Variants in GPBP1L1 observed in about 807,000 individuals in gnomAD.
GPBP1L1 encodes the protein vasculin-like protein 1.
GPBP1L1 carries 23 observed loss-of-function variants against 52.5 expected under a neutral mutation model. That is an observed-to-expected ratio of 0.44 (90% CI 0.32 to 0.62). GPBP1L1 has a LOEUF of 0.62. Among genes scored for constraint, GPBP1L1 ranks in the 20% least tolerant of loss-of-function variants. The pLI, the probability that GPBP1L1 is intolerant of heterozygous loss-of-function variation, is 0.06. For synonymous variants in GPBP1L1, 243 were observed against 203.1 expected, an observed-to-expected ratio of 1.20 and a Z score of -1.67; for missense variants, 596 against 579.3, an observed-to-expected ratio of 1.03 and a Z score of -0.30.
intron 10 of GPBP1L1, among the ~76,000 whole-genome samples, chr1:45,632,778 A>C (rs1199015349): frequency 2.0e-5 from 3 of 152,216 alleles, no homozygotes; most frequent in Non-Finnish European, 4.4e-5. Flanking sequence ...CTGTAGTCAA[A>C]GACACATCTA....
chr1:45,657,307 G>A (rs545249963), intron 4 of GPBP1L1, among the ~76,000 whole-genome samples: 1 of 152,224 alleles, frequency 6.6e-6, no homozygotes, highest in South Asian at 2.1e-4. Flanking sequence ...ACTGAGGCAG[G>A]TACATCGCTT....
intron 1 of GPBP1L1, 43 bp from the exon 2 acceptor site, chr1:45,685,663 A>G (rs921560899): frequency 2.6e-5 from 4 of 152,360 alleles, no homozygotes; most frequent in Admixed American, 1.3e-4. Context: ...TAATGTCCCC[A>G]CAGGGGAAAG....
chr1:45,635,569 G>T (rs1049720382), intron 8 of GPBP1L1: 4 of 152,094 alleles, frequency 2.6e-5, no homozygotes, highest in African/African-American at 9.7e-5. Context: ...TTAATTTTCA[G>T]TAACTTAAAC....
At chr1:45,675,410 A>G (rs1437399895) in intron 2 of GPBP1L1, among the ~76,000 whole-genome samples, 2 of 152,228 alleles carry the variant, frequency 1.3e-5, no homozygotes, top group Non-Finnish European at 2.9e-5. Context: ...TACAAATGGG[A>G]CACACTTGGT....
intron 6 of GPBP1L1, among the ~76,000 whole-genome samples, chr1:45,646,942 TCTTTTCTGCCAAA>T (rs1644755218): frequency 6.6e-6 from 1 of 152,122 alleles, no homozygotes; most frequent in Non-Finnish European, 1.5e-5. Flanking sequence ...CTATATTAGA[TCTTTTCTGCCAAA>T]CTTTTTTTTC....
intron 8 of GPBP1L1, among the ~76,000 whole-genome samples, 157 bp downstream of exon 8, chr1:45,640,053 G>GA (rs66580837): frequency 0.29 from 41,546 of 144,368 alleles, 5,892 homozygotes; most frequent in South Asian, 0.37. Flanking sequence ...TAAAGAAAAA[G>GA]AAAAAAAAAA....
At chr1:45,680,561 A>AAC (rs1645200530) in intron 2 of GPBP1L1, among the ~76,000 whole-genome samples, 1 of 151,912 alleles carries the variant, frequency 6.6e-6, no homozygotes, top group Non-Finnish European at 1.5e-5. Context: ...TTTTTTTTAA[A>AAC]AAGAATCATT....
At chr1:45,659,312 A>G (rs1333315756) in intron 3 of GPBP1L1, among the ~76,000 whole-genome samples, 170 bp from the exon 4 acceptor site, 1 of 152,214 alleles carries the variant, frequency 6.6e-6, no homozygotes, top group Non-Finnish European at 1.5e-5. Flanking sequence ...AATAAAAGCA[A>G]TTTTTGTTAA....
At chr1:45,677,179 T>C (rs1430005933) in intron 2 of GPBP1L1, among the ~76,000 whole-genome samples, 1 of 148,630 alleles carries the variant, frequency 6.7e-6, no homozygotes, top group Non-Finnish European at 1.5e-5. Flanking sequence ...CTACTAAAAA[T>C]ACAAAAATTA....
intron 2 of GPBP1L1, among the ~76,000 whole-genome samples, chr1:45,678,131 G>GT (rs1645169290): frequency 6.6e-6 from 1 of 152,174 alleles, no homozygotes; most frequent in South Asian, 2.1e-4. Flanking sequence ...AAGTAGATTA[G>GT]TGGTCGTCTA....
At chr1:45,662,779 C>T (rs892627632) in intron 2 of GPBP1L1, among the ~76,000 whole-genome samples, 1 of 151,998 alleles carries the variant, frequency 6.6e-6, no homozygotes, top group African/African-American at 2.4e-5. Flanking sequence ...AGGCCGGGTG[C>T]GGTGGCTCAC....
chr1:45,659,672 G>A (rs1407643280), intron 3 of GPBP1L1, among the ~76,000 whole-genome samples: 1 of 152,142 alleles, frequency 6.6e-6, no homozygotes, highest in Non-Finnish European at 1.5e-5. Context: ...GGCTGGGCAC[G>A]GTGGCTCACA....
At chr1:45,664,155 C>T (rs1644980412) in intron 2 of GPBP1L1, among the ~76,000 whole-genome samples, 1 of 152,062 alleles carries the variant, frequency 6.6e-6, no homozygotes, top group South Asian at 2.1e-4. Context: ...TCCGTCTCTA[C>T]TAAAAATACA....
chr1:45,631,574 A>G (rs1258967152), intron 10 of GPBP1L1, among the ~76,000 whole-genome samples: 2 of 152,176 alleles, frequency 1.3e-5, no homozygotes, highest in African/African-American at 4.8e-5. Flanking sequence ...ACAATTAATT[A>G]GGCTGGATTT....
intron 2 of GPBP1L1, among the ~76,000 whole-genome samples, chr1:45,677,944 T>C (rs1645166526): frequency 6.6e-6 from 1 of 152,142 alleles, no homozygotes; most frequent in South Asian, 2.1e-4. Flanking sequence ...GGCAAACAAG[T>C]TGTAAAACCT....
At position 45,633,470 on chromosome 1, in the gene GPBP1L1, A is replaced by G. The variant is rs1488659041; in HGVS notation, c.1044+19T>C. The stretch of plus-strand genomic sequence containing the variant: ...AGGAAAATTCCTAGGCTACCCCCAG[A>G]AAAGGCGGATGCTCTTACATCTTCC... On this transcript the variant is annotated intron_variant, in intron 10 of 12. Coordinates refer to ENST00000355105, the MANE Select transcript of GPBP1L1 (RefSeq NM_021639.5). The G allele has an allele frequency of 3.7e-6, 6 of 1,610,050 alleles. No homozygotes were observed. Among genetic ancestry groups the G allele is most frequent in the Non-Finnish European group, 5.1e-6 (6 of 1,177,996 alleles).
intron 1 of GPBP1L1, 94 bp downstream of exon 1, chr1:45,686,318 G>T: frequency 6.6e-6 from 1 of 152,534 alleles, no homozygotes; most frequent in Non-Finnish European, 1.5e-5. Flanking sequence ...CTTTCAACTA[G>T]TTTTAACAGC....
intron 10 of GPBP1L1, among the ~76,000 whole-genome samples, chr1:45,631,025 G>C (rs1314284422): frequency 6.6e-6 from 1 of 151,738 alleles, no homozygotes; most frequent in Admixed American, 6.6e-5. Flanking sequence ...TTTGACAAAG[G>C]AAATACAATG....
rs71812968 is a variant in GPBP1L1, at chr1:45,627,724, G to GA, written c.*531dup. 243 of 125,674 alleles carry GA rather than the reference G, an allele frequency of 1.9e-3. No homozygotes were observed. Among genetic ancestry groups the GA allele is most frequent in the African/African-American group, 5.2e-3 (183 of 35,072 alleles). 7.8% of individuals were successfully genotyped at this position (125,674 alleles called of 1,614,324 possible). A position where few individuals can be genotyped will look rare whatever the true frequency, so the allele number is the denominator to read the frequency against. On this transcript the variant is annotated 3_prime_UTR_variant, in exon 13 of 13. Coordinates refer to ENST00000355105, the MANE Select transcript of GPBP1L1 (RefSeq NM_021639.5). ...TACAGCTGTACCCAAAAAGGAAAAAGAAAAAAAAAACAAAAAAAAACAACC... is the reference window on the plus strand; with the variant it reads ...TACAGCTGTACCCAAAAAGGAAAAAGAAAAAAAAAAACAAAAAAAAACAACC...
Sources: allele counts gnomAD v4.1 joint callset (sites outside exome capture counted in the v4.1 genomes callset), GRCh38; gene constraint gnomAD v4.1.1; transcripts MANE v1.5; gene names NCBI Gene and HGNC (gene_info 2026-07-23, HGNC 2026-07-21).